Variants in RARB observed in about 807,000 individuals in gnomAD.
The protein encoded by RARB is retinoic acid receptor beta, also known as HBV-activated protein.
RARB carries 17 observed loss-of-function variants against 51.9 expected under a neutral mutation model. That is an observed-to-expected ratio of 0.33 (90% CI 0.22 to 0.49). The LOEUF (loss-of-function observed/expected upper bound fraction) is 0.49. RARB is among the 20% of genes least tolerant of loss of function. RARB has a pLI of 0.99. For synonymous variants in RARB, 215 were observed against 195.4 expected (o/e 1.10, Z -0.84); for missense variants, 369 against 550.8 (o/e 0.67, Z 3.30).
At chr3:24,907,922 A>G (rs901348798) in intron 2 of RARB, among the ~76,000 whole-genome samples, 1 of 152,084 alleles carries the variant, frequency 6.6e-6, no homozygotes, top group African/African-American at 2.4e-5. Context: ...TCTCTTAGGG[A>G]CAAGTGGTCC....
chr3:24,883,462 A>C (rs540202866), intron 2 of RARB, among the ~76,000 whole-genome samples: 1 of 151,962 alleles, frequency 6.6e-6, no homozygotes, highest in South Asian at 2.1e-4. Flanking sequence ...CAAACTTTTA[A>C]ATGCTATAAA....
chr3:25,054,536 C>T (rs1396832230), intron 2 of RARB, among the ~76,000 whole-genome samples: 1 of 152,136 alleles, frequency 6.6e-6, no homozygotes, highest in East Asian at 1.9e-4. Context: ...AAAGCTACTT[C>T]AGACAGAAGG....
chr3:25,381,475 TA>T (rs1706623458), intron 5 of RARB, among the ~76,000 whole-genome samples: 1 of 152,220 alleles, frequency 6.6e-6, no homozygotes, highest in African/African-American at 2.4e-5. Context: ...ATATAACCTT[TA>T]TACAATTTTT....
intron 4 of RARB, among the ~76,000 whole-genome samples, chr3:25,170,035 T>G (rs1700618845): frequency 6.7e-6 from 1 of 149,568 alleles, no homozygotes; most frequent in Admixed American, 6.6e-5. Flanking sequence ...GAAATTGAAG[T>G]ACTTGCTTCT....
chr3:25,011,681 G>C (rs1178756868), intron 2 of RARB, among the ~76,000 whole-genome samples: 1 of 152,006 alleles, frequency 6.6e-6, no homozygotes, highest in Non-Finnish European at 1.5e-5. Flanking sequence ...TTACTCCTCA[G>C]CTCTTATCTC....
At chr3:25,528,796 T>G (rs1280916238) in intron 3 of RARB, among the ~76,000 whole-genome samples, 3 of 152,072 alleles carry the variant, frequency 2.0e-5, no homozygotes, top group African/African-American at 7.2e-5. Context: ...CAGAGTAGTC[T>G]GATGTGTCCA....
chr3:25,438,297 T>C (rs1334394757), intron 1 of RARB, among the ~76,000 whole-genome samples: 3 of 152,136 alleles, frequency 2.0e-5, no homozygotes, highest in African/African-American at 7.2e-5. Flanking sequence ...GCTTTCACTA[T>C]ATTCTGCTGG....
intron 5 of RARB, among the ~76,000 whole-genome samples, chr3:25,187,029 G>A (rs1700995506): frequency 6.6e-6 from 1 of 151,484 alleles, no homozygotes; most frequent in Non-Finnish European, 1.5e-5. Context: ...TACCCTGAGG[G>A]GTGCTTCTCA....
chr3:25,047,992 T>G (rs1698252214), intron 2 of RARB, among the ~76,000 whole-genome samples: 1 of 152,200 alleles, frequency 6.6e-6, no homozygotes, highest in Admixed American at 6.5e-5. Context: ...GATGGTTTCA[T>G]AAATGGGAGT....
chr3:25,057,810 T>A (rs891620816), intron 2 of RARB, among the ~76,000 whole-genome samples: 1 of 151,746 alleles, frequency 6.6e-6, no homozygotes, highest in Non-Finnish European at 1.5e-5. Flanking sequence ...TAAATTGAAT[T>A]TTTTTTTACC....
chr3:25,114,732 G>A (rs753151258), intron 3 of RARB, among the ~76,000 whole-genome samples: 7 of 152,118 alleles, frequency 4.6e-5, no homozygotes, highest in African/African-American at 1.2e-4. Context: ...GGTTGCTGTC[G>A]GAACACCTTC....
chr3:25,575,419 T>C (rs1029073996), intron 4 of RARB, among the ~76,000 whole-genome samples: 1 of 152,134 alleles, frequency 6.6e-6, no homozygotes, highest in Non-Finnish European at 1.5e-5. Flanking sequence ...TGGAACAAAA[T>C]AATACAAACT....
chr3:24,984,028 C>T (rs930923897), intron 2 of RARB, among the ~76,000 whole-genome samples: 11 of 152,248 alleles, frequency 7.2e-5, no homozygotes, highest in African/African-American at 2.6e-4. Context: ...TGTGATGAAA[C>T]TGTTCTGCCA....
At chr3:25,495,371 T>C (rs1696971771) in intron 2 of RARB, among the ~76,000 whole-genome samples, 1 of 152,140 alleles carries the variant, frequency 6.6e-6, no homozygotes, top group South Asian at 2.1e-4. Context: ...AAATTATAAA[T>C]TTTATGTATT....
rs143459367 is a variant in RARB, at chr3:25,481,160, T to G, written c.306+19819T>G. Among the ~76,000 whole-genome samples the G allele has an allele frequency of 7.7e-4, 117 of 152,304 alleles. 1 individual carries two copies. The highest frequency in any genetic ancestry group is 2.4e-3 in the African/African-American group (100 of 41,576). On this transcript the variant is annotated intron_variant, in intron 2 of 7. Transcript: ENST00000330688. The stretch of plus-strand genomic sequence containing the variant: ...ATTTCACTACTAAAAACCACTCAGA[T>G]CATACAATGATTAGGCAAGAAATAT...
chr3:25,584,956 G>T (rs902357980), intron 5 of RARB, among the ~76,000 whole-genome samples: 1 of 122,006 alleles, frequency 8.2e-6, no homozygotes, highest in Non-Finnish European at 1.6e-5. Flanking sequence ...CTCACCCTCC[G>T]CCCCCACCCC....
At chr3:24,857,022 A>T (rs1029130181) in intron 1 of RARB, among the ~76,000 whole-genome samples, 4 of 152,222 alleles carry the variant, frequency 2.6e-5, no homozygotes, top group South Asian at 4.1e-4. Context: ...CTGATAGTTC[A>T]CGTTGTGGTC....
intron 1 of RARB, among the ~76,000 whole-genome samples, chr3:25,452,914 C>G (rs963771837): frequency 2.0e-5 from 3 of 152,176 alleles, no homozygotes; most frequent in Admixed American, 6.5e-5. Flanking sequence ...TTTGAACACA[C>G]TGCCAACTAA....
rs183757678 is a variant in RARB, at chr3:25,133,857, T to C, written c.-280+1649T>C. 6.6e-5 allele frequency among the ~76,000 whole-genome samples: 10 copies of C among 150,976 alleles called. No homozygotes were observed. The East Asian group carries it at 1.9e-3, about 29-fold the overall frequency. On this transcript the variant is annotated intron_variant, in intron 4 of 11. Transcript: ENST00000383772. ...GGGGGAAGGATTTAAGAAAAATGAG[T>C]ATAAAAGTCATAAATATGTTGATCC...
Sources: gnomAD v4.1 joint callset for allele counts (sites outside exome capture counted in the v4.1 genomes callset) on GRCh38, gnomAD v4.1.1 for gene constraint, MANE v1.5 for transcripts, NCBI Gene and HGNC (gene_info 2026-07-23, HGNC 2026-07-21) for gene names.